Variants in DLGAP4 observed in about 807,000 individuals in gnomAD.
DLGAP4 encodes disks large-associated protein 4.
In DLGAP4, 18 loss-of-function variants were observed where a neutral mutation model predicts 86.9. The observed-to-expected ratio is 0.21, with a 90% CI of 0.14 to 0.31. The LOEUF (loss-of-function observed/expected upper bound fraction) is 0.31. DLGAP4 is among the 10% of genes least tolerant of loss of function. The pLI, the probability that DLGAP4 is intolerant of heterozygous loss-of-function variation, is 1.00. For missense variants in DLGAP4, 1,085 were observed against 1,362.6 expected, an observed-to-expected ratio of 0.80 and a Z score of 3.21; for synonymous variants, 548 against 574.3, an observed-to-expected ratio of 0.95 and a Z score of 0.65.
chr20:36,425,802 C>G (rs1176136978), intron 2 of DLGAP4, among the ~76,000 whole-genome samples: 1 of 152,080 alleles, frequency 6.6e-6, no homozygotes, highest in Admixed American at 6.6e-5. Context: ...GCCTGGGCGA[C>G]AAGAGCAAGA....
chr20:36,327,152 A>G (rs782151688), intron 1 of DLGAP4, among the ~76,000 whole-genome samples: 13 of 151,866 alleles, frequency 8.6e-5, no homozygotes, highest in Non-Finnish European at 1.8e-4. Context: ...AGTGTGCACC[A>G]TTACACCTGG....
chr20:36,482,661 T>TG lies in DLGAP4; in HGVS notation c.1649-14043dup, dbSNP rs576552147. On this transcript the variant is annotated intron_variant, in intron 7 of 12. Coordinates refer to ENST00000339266, the MANE Select transcript of DLGAP4 (RefSeq NM_001365621.2). ...TTACTAGCACCTGCTTCTCGTGGGT[T>TG]GTTTTTTTGTTTTTGTTTTTGTTTT... Among the ~76,000 whole-genome samples the TG allele has an allele frequency of 4.0e-3, 614 of 152,172 alleles. 4 individuals are homozygous for TG. Among genetic ancestry groups the TG allele is most frequent in the African/African-American group, 0.014 (594 of 41,514 alleles).
At chr20:36,332,922 G>C (rs1158942905) in intron 1 of DLGAP4, among the ~76,000 whole-genome samples, 1 of 152,194 alleles carries the variant, frequency 6.6e-6, no homozygotes, top group Non-Finnish European at 1.5e-5. Flanking sequence ...TATTCATGGA[G>C]CTTCAAAGAG....
intron 4 of DLGAP4, 50 bp from the exon 5 acceptor site, chr20:36,439,704 G>A: frequency 6.5e-7 from 1 of 1,534,114 alleles, no homozygotes; most frequent in Non-Finnish European, 8.9e-7. Flanking sequence ...TCCAAAAGCT[G>A]GGTGAACAAT....
At chr20:36,456,858 C>G (rs1171321791) in intron 7 of DLGAP4, among the ~76,000 whole-genome samples, 1 of 152,178 alleles carries the variant, frequency 6.6e-6, no homozygotes, top group Non-Finnish European at 1.5e-5. Context: ...GAAGTCACCC[C>G]AAAGGAAGAG....
rs185014042 is a variant in DLGAP4 at position 36,372,569 on chromosome 20, A to G, written c.-73+5294A>G. Among the ~76,000 whole-genome samples the G allele has an allele frequency of 2.3e-3, 352 of 151,384 alleles. 1 individual carries two copies. Among genetic ancestry groups the G allele is most frequent in the African/African-American group, 8.3e-3 (342 of 41,176 alleles). On this transcript the variant is annotated intron_variant, in intron 2 of 12. Transcript: ENST00000339266. ...AGTATACCTGCCCAGGAAAACAGAT[A>G]CTACTTTACAGCCACTAAGAGAATC...
intron 2 of DLGAP4, among the ~76,000 whole-genome samples, chr20:36,389,947 T>C (rs1383400977): frequency 6.6e-6 from 1 of 152,190 alleles, no homozygotes; most frequent in Admixed American, 6.5e-5. Context: ...AGAGGGGCCA[T>C]GACTGGTACT....
At chr20:36,309,731 C>T (rs2065036191) in intron 1 of DLGAP4, among the ~76,000 whole-genome samples, 1 of 152,256 alleles carries the variant, frequency 6.6e-6, no homozygotes, top group African/African-American at 2.4e-5. Context: ...TTCAGCCCTT[C>T]CTTCACTCGC....
chr20:36,394,576 G>A (rs2031887697), intron 2 of DLGAP4, among the ~76,000 whole-genome samples: 1 of 152,168 alleles, frequency 6.6e-6, no homozygotes, highest in African/African-American at 2.4e-5. Context: ...CTGGGTACAT[G>A]CACGTGTGCG....
chr20:36,455,198 C>CCTCCCTTCCT lies in DLGAP4; in HGVS notation c.1648+8268_1648+8277dup, dbSNP rs145070925. 2.0e-3 allele frequency among the ~76,000 whole-genome samples: 311 copies of CCTCCCTTCCT among 151,942 alleles called. 1 individual carries two copies. Among genetic ancestry groups the CCTCCCTTCCT allele is most frequent in the African/African-American group, 7.3e-3 (301 of 41,426 alleles). ...TCTCCCTCTCTTTCTTCCAGCTTCC[C>CCTCCCTTCCT]CTCCCTTCCTCTCCCTCTTTCTCCC... On this transcript the variant is annotated intron_variant, in intron 7 of 12. Coordinates refer to ENST00000339266, the MANE Select transcript of DLGAP4 (RefSeq NM_001365621.2).
At chr20:36,322,263 A>C (rs1334360013) in intron 1 of DLGAP4, among the ~76,000 whole-genome samples, 1 of 152,130 alleles carries the variant, frequency 6.6e-6, no homozygotes, top group Non-Finnish European at 1.5e-5. Flanking sequence ...TTCAGGGAAG[A>C]GGAAGGAAGA....
At chr20:36,489,744 G>A (rs1215532608) in intron 7 of DLGAP4, among the ~76,000 whole-genome samples, 1 of 152,104 alleles carries the variant, frequency 6.6e-6, no homozygotes, top group East Asian at 1.9e-4. Context: ...GGGCCTGGCT[G>A]TGAAGGGCAG....
intron 7 of DLGAP4, among the ~76,000 whole-genome samples, chr20:36,484,179 G>A (rs927718078): frequency 1.3e-5 from 2 of 152,136 alleles, no homozygotes; most frequent in African/African-American, 4.8e-5. Flanking sequence ...AATCAGAATG[G>A]TAGGCCTGGT....
At chr20:36,499,295 G>A (rs199793629) in intron 8 of DLGAP4, 70 of 1,613,658 alleles carry the variant, frequency 4.3e-5, no homozygotes, top group East Asian at 4.5e-5. Flanking sequence ...GACCCAAAGC[G>A]ATCGATGTGA....
rs533386146 is a variant in DLGAP4, at chr20:36,486,572, A to T, written c.1649-10133A>T. Among the ~76,000 whole-genome samples the T allele has an allele frequency of 3.3e-5, 5 of 152,246 alleles. No individual in the cohort carries two copies. In the East Asian group the frequency reaches 7.7e-4, roughly 24 times the overall value. ...GGGAGGGTGGGCCAGTTCCTATTGT[A>T]GGCTAAGGTAAGCAATGTGGATTTT... On this transcript the variant is annotated intron_variant, in intron 7 of 12. Coordinates refer to ENST00000339266, the MANE Select transcript of DLGAP4 (RefSeq NM_001365621.2).
chr20:36,499,771 G>A (rs2036056212), intron 9 of DLGAP4, 95 bp downstream of exon 9: 1 of 1,259,708 alleles, frequency 7.9e-7, no homozygotes, highest in Non-Finnish European at 1.1e-6. Context: ...TCTCCTTGCT[G>A]GATTTCTAAT....
chr20:36,323,454 T>C (rs1555890786), intron 1 of DLGAP4, among the ~76,000 whole-genome samples: 1 of 152,242 alleles, frequency 6.6e-6, no homozygotes, highest in African/African-American at 2.4e-5. Flanking sequence ...TTTATATTGC[T>C]GCCTAGTATT....
intron 7 of DLGAP4, among the ~76,000 whole-genome samples, chr20:36,487,761 C>T (rs1383120469): frequency 6.6e-6 from 1 of 152,170 alleles, no homozygotes; most frequent in Non-Finnish European, 1.5e-5. Context: ...ATCACTTTCT[C>T]CTTAATCCAG....
chr20:36,519,971 C>A (rs557063898), intron 10 of DLGAP4, among the ~76,000 whole-genome samples: 1 of 134,620 alleles, frequency 7.4e-6, no homozygotes, highest in African/African-American at 2.8e-5. Flanking sequence ...TTTTTTTTTT[C>A]TTTTGGTAGA....
Sources: gnomAD v4.1 joint callset for allele counts (sites outside exome capture counted in the v4.1 genomes callset) on GRCh38, gnomAD v4.1.1 for gene constraint, MANE v1.5 for transcripts, NCBI Gene and HGNC (gene_info 2026-07-23, HGNC 2026-07-21) for gene names.